Variants in ACER3 observed in about 807,000 individuals in gnomAD.
The protein encoded by ACER3 is alkaline ceramidase 3.
Under a neutral mutation model 48.9 loss-of-function variants are expected in ACER3, and 16 were observed. That is an observed-to-expected ratio of 0.33 (90% CI 0.22 to 0.50). The LOEUF (loss-of-function observed/expected upper bound fraction) is 0.50. Ranked by LOEUF, ACER3 falls within the 20% of genes least tolerant of loss-of-function variation. The pLI, the probability that ACER3 is intolerant of heterozygous loss-of-function variation, is 0.98. For missense variants in ACER3, 227 were observed against 326.0 expected (o/e 0.70, Z 2.34); for synonymous variants, 109 against 107.8 (o/e 1.01, Z -0.07).
At chr11:76,998,699 C>T in intron 6 of ACER3, 64 bp from the exon 7 acceptor site, 1 of 1,231,042 alleles carries the variant, frequency 8.1e-7, no homozygotes, top group Non-Finnish European at 1.1e-6. Context: ...TTTTGGTAGG[C>T]AAAATAGACT....
chr11:76,943,749 AC>A (rs71043514), intron 2 of ACER3, among the ~76,000 whole-genome samples: 5,564 of 146,738 alleles, frequency 0.038, 171 homozygotes, highest in African/African-American at 0.079. Context: ...TGTGTTGAAG[AC>A]CCCCCCCCCC....
intron 1 of ACER3, among the ~76,000 whole-genome samples, chr11:76,886,565 T>A (rs576257612): frequency 4.6e-5 from 7 of 152,310 alleles, no homozygotes; most frequent in African/African-American, 1.2e-4. Flanking sequence ...AACAAATGGC[T>A]GCAAAGGAGG....
At chr11:76,931,672 A>G (rs1360429386) in intron 2 of ACER3, among the ~76,000 whole-genome samples, 2 of 152,176 alleles carry the variant, frequency 1.3e-5, no homozygotes, top group East Asian at 3.9e-4. Flanking sequence ...TGGTGACAAA[A>G]TCTCTCAGCA....
Position 77,023,545 on chromosome 11 carries a change from C to T in ACER3, c.*3218C>T, listed in dbSNP as rs782670109. ...GTTTTAGCTACCAACGCCATGTTTA[C>T]GTGACAAGAAATTGTTTTGGCCCTG... On this transcript the variant is annotated 3_prime_UTR_variant, in exon 11 of 11. Transcript: ENST00000532485. 6 of 207,632 alleles carry T rather than the reference C, an allele frequency of 2.9e-5. No individual in the cohort carries two copies. Among genetic ancestry groups the T allele is most frequent in the Non-Finnish European group, 5.7e-5 (6 of 105,522 alleles). 12.9% of individuals were successfully genotyped at this position (207,632 alleles called of 1,614,324 possible).
At chr11:76,999,730 A>C (rs1948989323) in intron 7 of ACER3, among the ~76,000 whole-genome samples, 1 of 152,054 alleles carries the variant, frequency 6.6e-6, no homozygotes. Context: ...CAGATATATA[A>C]CCTTTGAGAC....
intron 4 of ACER3, among the ~76,000 whole-genome samples, chr11:76,980,628 G>A (rs1015833245): frequency 3.5e-4 from 54 of 152,134 alleles, no homozygotes; most frequent in African/African-American, 1.1e-3. Flanking sequence ...AATGAGCCAC[G>A]ATTGTGCTGC....
chr11:76,870,639 G>T lies in ACER3; in HGVS notation c.103+9560G>T, dbSNP rs369277485. Among the ~76,000 whole-genome samples, 7 of 152,232 alleles carry T rather than the reference G, an allele frequency of 4.6e-5. No individual in the cohort carries two copies. In the East Asian group the frequency reaches 9.7e-4, roughly 21 times the overall value. ...AAAAAATTTCTTTCATGGGTGCCAT[G>T]AATTTATTGTCACTCTTACATAAAT... On this transcript the variant is annotated intron_variant, in intron 1 of 10. Transcript: ENST00000532485.
At chr11:76,876,734 A>T (rs1202131426) in intron 1 of ACER3, among the ~76,000 whole-genome samples, 1 of 152,126 alleles carries the variant, frequency 6.6e-6, no homozygotes, top group Non-Finnish European at 1.5e-5. Context: ...ATTCTGGTGG[A>T]TGTGTGGTTG....
intron 2 of ACER3, among the ~76,000 whole-genome samples, chr11:76,933,173 C>CATAT (rs144524712): frequency 2.5e-4 from 33 of 129,604 alleles, no homozygotes; most frequent in African/African-American, 4.8e-4. Context: ...ATACGTATTT[C>CATAT]ATATATATAT....
chr11:76,958,183 C>CTTTTT (rs10555039), intron 2 of ACER3, among the ~76,000 whole-genome samples: 1 of 125,916 alleles, frequency 7.9e-6, no homozygotes, highest in Non-Finnish European at 1.6e-5. Context: ...TTATTAGCAA[C>CTTTTT]TTTTTTTTTT....
At chr11:76,931,524 A>C (rs1411193760) in intron 2 of ACER3, among the ~76,000 whole-genome samples, 1 of 152,144 alleles carries the variant, frequency 6.6e-6, no homozygotes, top group Non-Finnish European at 1.5e-5. Context: ...TTAGCTGGTT[A>C]TTTTGGTCGT....
In ACER3 at chr11:76,872,905, C is replaced by CTTTTTTTT. The variant is rs756362938; in HGVS notation, c.103+11831_103+11832insTTTTTTTT. On this transcript the variant is annotated intron_variant, in intron 1 of 10. Transcript: ENST00000532485. ...TCTTTTCTTTCTTTCTTTCTTTTTT[C>CTTTTTTTT]TTTTTCTTTTTTTTTTTTTTTTTTG... 6.8e-3 allele frequency among the ~76,000 whole-genome samples: 641 copies of CTTTTTTTT among 94,548 alleles called. 21 individuals carry two copies. Among genetic ancestry groups the CTTTTTTTT allele is most frequent in the African/African-American group, 0.024 (558 of 23,708 alleles). 62.0% of individuals were successfully genotyped at this position (94,548 alleles called of 152,430 possible). A position where few individuals can be genotyped will look rare whatever the true frequency, so the allele number is the denominator to read the frequency against.
intron 2 of ACER3, among the ~76,000 whole-genome samples, chr11:76,941,214 T>C (rs983682215): frequency 2.0e-5 from 3 of 152,202 alleles, no homozygotes; most frequent in South Asian, 2.1e-4. Flanking sequence ...TTAACTGATA[T>C]GCACTTAGTT....
intron 1 of ACER3, among the ~76,000 whole-genome samples, chr11:76,890,246 T>G (rs1945771755): frequency 6.6e-6 from 1 of 152,174 alleles, no homozygotes; most frequent in African/African-American, 2.4e-5. Flanking sequence ...TGCCCACACC[T>G]TACAGACATA....
At chr11:76,974,982 A>C (rs1268680653) in intron 3 of ACER3, among the ~76,000 whole-genome samples, 1 of 152,260 alleles carries the variant, frequency 6.6e-6, no homozygotes, top group East Asian at 1.9e-4. Context: ...CAAACAAACA[A>C]AAAAATTAAT....
intron 5 of ACER3, among the ~76,000 whole-genome samples, chr11:76,989,446 G>A (rs887328331): frequency 2.6e-5 from 4 of 152,120 alleles, no homozygotes; most frequent in Non-Finnish European, 5.9e-5. Flanking sequence ...TACATGAAGA[G>A]TAATGGTAGA....
intron 8 of ACER3, among the ~76,000 whole-genome samples, chr11:77,016,102 G>A (rs1018465903): frequency 4.5e-4 from 36 of 80,180 alleles, no homozygotes; most frequent in Admixed American, 1.6e-4. Context: ...GCAAGACTCC[G>A]TCTCAGGGAA....
rs1555025448 is a variant in ACER3, at chr11:77,025,297, G to T, written c.*4970G>T. 1 of 151,500 alleles carries T rather than the reference G, an allele frequency of 6.6e-6. No homozygotes were observed. Among genetic ancestry groups the T allele is most frequent in the South Asian group, 2.1e-4 (1 of 4,822 alleles). The allele number at this position is 151,500 out of a possible 1,614,324, so 9.4% of individuals were successfully genotyped here. A position where few individuals can be genotyped will look rare whatever the true frequency, so the allele number is the denominator to read the frequency against. On this transcript the variant is annotated 3_prime_UTR_variant, in exon 11 of 11. Transcript: ENST00000532485. ...TGTGTCATAATATCAAAGGGGTCTAGATCAGGGGTTGGTAAACTACAACCC... is the reference window on the plus strand; with the variant it reads ...TGTGTCATAATATCAAAGGGGTCTATATCAGGGGTTGGTAAACTACAACCC...
intron 2 of ACER3, among the ~76,000 whole-genome samples, chr11:76,937,675 A>G (rs924596385): frequency 6.6e-6 from 1 of 152,222 alleles, no homozygotes; most frequent in Non-Finnish European, 1.5e-5. Context: ...AATAAGATGA[A>G]CCAGAAAATA....
Sources: allele counts gnomAD v4.1 joint callset (sites outside exome capture counted in the v4.1 genomes callset), GRCh38; gene constraint gnomAD v4.1.1; transcripts MANE v1.5; gene names NCBI Gene and HGNC (gene_info 2026-07-23, HGNC 2026-07-21).